Variants in CBFA2T3 observed in about 807,000 individuals in gnomAD.
CBFA2T3 encodes transcriptional corepressor CBFA2T3.
In CBFA2T3, 31 loss-of-function variants were observed where a neutral mutation model predicts 58.6. The ratio of observed to expected loss-of-function variants is 0.53; its 90% CI spans 0.40 to 0.71. CBFA2T3 has a LOEUF of 0.71. Among genes scored for constraint, CBFA2T3 ranks in the 30% least tolerant of loss-of-function variants. CBFA2T3 has a pLI of 0.00. For missense variants in CBFA2T3, 1,076 were observed against 963.1 expected (o/e 1.12, Z -1.55); for synonymous variants, 531 against 421.9 (o/e 1.26, Z -3.17).
chr16:88,910,024 C>T (rs1970478487), intron 1 of CBFA2T3, among the ~76,000 whole-genome samples: 1 of 152,238 alleles, frequency 6.6e-6, no homozygotes, highest in African/African-American at 2.4e-5. Flanking sequence ...TGGCCAGTGC[C>T]ACAGTGGCCC....
rs751167917 is a variant in CBFA2T3, at chr16:88,970,955, C to T, written c.151+5702G>A. Among the ~76,000 whole-genome samples, 9 of 151,984 alleles carry T rather than the reference C, an allele frequency of 5.9e-5. No homozygotes were observed. The South Asian group carries it at 1.5e-3, about 25-fold the overall frequency. On this transcript the variant is annotated intron_variant, in intron 1 of 11. Transcript: ENST00000268679. ...GGTCGGTCGGGAGGGGGCTCCTCGG[C>T]GAGGGCATAGCACAGGCACGGGCTC...
At chr16:88,971,587 G>T (rs954564170) in intron 1 of CBFA2T3, among the ~76,000 whole-genome samples, 4 of 152,236 alleles carry the variant, frequency 2.6e-5, no homozygotes, top group African/African-American at 9.7e-5. Flanking sequence ...GGTGGACTTG[G>T]GGGTTTTGTG....
chr16:88,885,203 G>A lies in CBFA2T3; in HGVS notation c.960C>T (p.Thr320=), dbSNP rs564040614. The change falls in exon 7 of 12, where the codon ACC becomes ACT. Residue 320 remains threonine (T), a synonymous_variant. Coordinates refer to ENST00000268679, the MANE Select transcript of CBFA2T3 (RefSeq NM_005187.6). This position sits in a 1 kb window ranked among gnomAD's most constrained non-coding sequence, Gnocchi z 5.3. ...GGCTGTAGCGCTGGGCAGGGTTCAG[G>A]GTGCATGGCCGTTTGCTGAGGTGCT... ...HPEHLSKRPC[T]LNPAQRYSPS... The A allele has an allele frequency of 1.7e-5, 27 of 1,599,638 alleles. No homozygotes were observed. The highest frequency in any genetic ancestry group is 3.4e-5 in the Admixed American group (2 of 59,372).
chr16:88,903,770 G>A (rs74035890), intron 1 of CBFA2T3, among the ~76,000 whole-genome samples: 250 of 152,094 alleles, frequency 1.6e-3, no homozygotes, highest in African/African-American at 5.7e-3. Flanking sequence ...ATGCCCAGAA[G>A]GGAGCAGGCA....
intron 1 of CBFA2T3, among the ~76,000 whole-genome samples, chr16:88,911,931 T>G (rs1047939901): frequency 2.0e-5 from 3 of 152,264 alleles, no homozygotes; most frequent in African/African-American, 7.2e-5. Flanking sequence ...CAGAGTTGGC[T>G]GGCAGGGCCC....
At chr16:88,898,261 T>A in intron 2 of CBFA2T3, 109 bp from the exon 3 acceptor site, 1 of 819,636 alleles carries the variant, frequency 1.2e-6, no homozygotes, top group Non-Finnish European at 2.0e-6. Flanking sequence ...TGATTTTTGG[T>A]GGGGGCGTGG....
intron 1 of CBFA2T3, among the ~76,000 whole-genome samples, chr16:88,932,634 G>A (rs1971350010): frequency 6.6e-6 from 1 of 151,364 alleles, no homozygotes; most frequent in African/African-American, 2.4e-5. Context: ...GCGATAGAGG[G>A]AGACCCCGAC....
intron 1 of CBFA2T3, among the ~76,000 whole-genome samples, chr16:88,944,178 A>T (rs1476093510): frequency 3.3e-5 from 5 of 151,994 alleles, no homozygotes; most frequent in African/African-American, 4.8e-5. Flanking sequence ...TCTACTAAAA[A>T]TACAAAAAAT....
intron 1 of CBFA2T3, among the ~76,000 whole-genome samples, chr16:88,930,007 C>T (rs1971234640): frequency 1.4e-5 from 2 of 147,716 alleles, no homozygotes; most frequent in African/African-American, 2.7e-5. Context: ...GCTACCAATA[C>T]CCACAGCTGC....
chr16:88,924,745 C>T (rs537152), intron 1 of CBFA2T3, among the ~76,000 whole-genome samples: 12,187 of 152,232 alleles, frequency 0.08, 994 homozygotes, highest in African/African-American at 0.22. Context: ...GCTGGCCGGA[C>T]GCGGCGGGGA....
Position 88,876,498 on chromosome 16 carries a change from G to A in CBFA2T3, c.*478C>T, listed in dbSNP as rs144235953. ...TTGTCCATTTCTGAGTAGCTCTTTT[G>A]CCAACACACAAAACCCCCCAAAATT... On this transcript the variant is annotated 3_prime_UTR_variant, in exon 12 of 12. Transcript: ENST00000268679. 1,946 of 219,336 alleles carry A rather than the reference G, an allele frequency of 8.9e-3. 38 individuals are homozygous for A. The highest frequency in any genetic ancestry group is 0.041 in the African/African-American group (1,829 of 44,670). The allele number at this position is 219,336 out of a possible 1,614,324, so 13.6% of individuals were successfully genotyped here.
At chr16:88,937,856 T>G (rs1971557143) in intron 1 of CBFA2T3, 1 of 152,194 alleles carries the variant, frequency 6.6e-6, no homozygotes, top group Non-Finnish European at 1.5e-5. Flanking sequence ...ATTGACAAAT[T>G]GTAGAGTTTA....
chr16:88,905,318 C>A (rs1426199880), intron 1 of CBFA2T3, among the ~76,000 whole-genome samples: 1 of 152,100 alleles, frequency 6.6e-6, no homozygotes, highest in Non-Finnish European at 1.5e-5. Flanking sequence ...GTGCGGGGCT[C>A]AGGGCCATGC....
chr16:88,903,894 T>C (rs1185882744), intron 1 of CBFA2T3, among the ~76,000 whole-genome samples: 2 of 152,222 alleles, frequency 1.3e-5, no homozygotes, highest in Non-Finnish European at 2.9e-5. Context: ...GCGGCTACAT[T>C]TGAGCCACGA....
chr16:88,942,221 C>T (rs1363663736), intron 1 of CBFA2T3, among the ~76,000 whole-genome samples: 1 of 152,166 alleles, frequency 6.6e-6, no homozygotes, highest in African/African-American at 2.4e-5. Flanking sequence ...TACTTTGTGG[C>T]GTGTCTGGCG....
intron 1 of CBFA2T3, among the ~76,000 whole-genome samples, chr16:88,911,451 A>C (rs1970528401): frequency 6.6e-6 from 1 of 152,186 alleles, no homozygotes; most frequent in South Asian, 2.1e-4. Flanking sequence ...GGCTTTCGTA[A>C]ACTCAAAAGC....
rs756575924 is a variant in CBFA2T3 at position 88,950,347 on chromosome 16, C to T, written c.151+26310G>A. ...GGGTCAGTTCACCCGTCCCCTGGAC[C>T]GGCACCGCCACAGAGGGTCAGAGTG... On this transcript the variant is annotated intron_variant, in intron 1 of 11. Coordinates refer to ENST00000268679, the MANE Select transcript of CBFA2T3 (RefSeq NM_005187.6). 2.1e-4 allele frequency: 89 copies of T among 414,132 alleles called. 7 individuals are homozygous for T. Among genetic ancestry groups the T allele is most frequent in the Non-Finnish European group, 2.8e-4 (59 of 207,400 alleles). The allele number at this position is 414,132 out of a possible 1,614,324, so 25.7% of individuals were successfully genotyped here.
chr16:88,879,358 G>A lies in CBFA2T3; in HGVS notation c.1574C>T (p.Ala525Val). ...KAHELITTER[A>V]KMERALAEAK... is the part of the protein sequence containing the mutation. ...CTCGGCCAGGGCCCGCTCCATCTTG[G>A]CACGCTCCGTGGTGATGAGCTCGTG... Residue 525 changes from alanine (A) to valine (V), a missense_variant, in exon 11 of 12, where the codon GCC becomes GTC. Transcript: ENST00000268679. The A allele has an allele frequency of 6.2e-7, 1 of 1,612,968 alleles. No homozygotes were observed. Among genetic ancestry groups the A allele is most frequent in the Non-Finnish European group, 8.5e-7 (1 of 1,179,792 alleles).
At chr16:88,971,848 G>T (rs1017203562) in intron 1 of CBFA2T3, among the ~76,000 whole-genome samples, 3 of 152,200 alleles carry the variant, frequency 2.0e-5, no homozygotes, top group African/African-American at 7.2e-5. Context: ...TCCTGCCTGC[G>T]CCTCCCCGGT....
Sources: gnomAD v4.1 joint callset for allele counts (sites outside exome capture counted in the v4.1 genomes callset) on GRCh38, gnomAD v4.1.1 for gene constraint, Gnocchi (gnomAD v3.1) non-coding constraint, MANE v1.5 for transcripts, NCBI Gene and HGNC (gene_info 2026-07-23, HGNC 2026-07-21) for gene names.